Variants in NDEL1 observed in about 807,000 individuals in gnomAD.
NDEL1 encodes the protein nudE neurodevelopment protein 1 like 1, also known as nuclear distribution protein nudE-like 1.
Under a neutral mutation model 45.7 loss-of-function variants are expected in NDEL1, and 9 were observed. The ratio of observed to expected loss-of-function variants is 0.20; its 90% CI spans 0.12 to 0.34. NDEL1 has a LOEUF of 0.34. Among genes scored for constraint, NDEL1 ranks in the 10% least tolerant of loss-of-function variants. NDEL1 has a pLI of 1.00. For synonymous variants in NDEL1, 133 were observed against 158.6 expected (o/e 0.84, Z 1.21); for missense variants, 306 against 406.2 (o/e 0.75, Z 2.12).
intron 1 of NDEL1, among the ~76,000 whole-genome samples, chr17:8,420,670 G>T (rs2151693364): frequency 6.6e-6 from 1 of 152,262 alleles, no homozygotes; most frequent in South Asian, 2.1e-4. Flanking sequence ...GGTTGACAGG[G>T]GAAGCAAAGG....
At chr17:8,440,883 C>T (rs575646083) in intron 1 of NDEL1, among the ~76,000 whole-genome samples, 1 of 152,274 alleles carries the variant, frequency 6.6e-6, no homozygotes, top group Non-Finnish European at 1.5e-5. Flanking sequence ...AAAAAATACC[C>T]CCACATGGAA....
At chr17:8,435,297 C>G (rs1292703750), upstream of NDEL1, among the ~76,000 whole-genome samples, 1 of 146,718 alleles carries the variant, frequency 6.8e-6, no homozygotes, top group East Asian at 2.0e-4. Context: ...ATTCATTCAT[C>G]AAATATTTGA....
chr17:8,473,060 T>TATAA (rs1422319725), downstream of NDEL1, among the ~76,000 whole-genome samples: 1 of 152,206 alleles, frequency 6.6e-6, no homozygotes, highest in Non-Finnish European at 1.5e-5. Context: ...GGGACCCTTT[T>TATAA]AGTTATTAAA....
downstream of NDEL1, among the ~76,000 whole-genome samples, chr17:8,472,690 C>G (rs1049651454): frequency 6.6e-6 from 1 of 151,880 alleles, no homozygotes; most frequent in African/African-American, 2.4e-5. Context: ...GTTATCCTTC[C>G]AAAGCAGTTT....
chr17:8,445,202 CTAATT>C (rs1439937643), intron 2 of NDEL1, among the ~76,000 whole-genome samples: 2 of 151,980 alleles, frequency 1.3e-5, no homozygotes, highest in East Asian at 1.9e-4. Flanking sequence ...AAATATTAAA[CTAATT>C]TATGGCATAG....
intron 1 of NDEL1, chr17:8,443,923 G>A (rs753501504): frequency 2.3e-5 from 4 of 173,040 alleles, no homozygotes; most frequent in Non-Finnish European, 3.7e-5. Context: ...CTCCCGATTC[G>A]CAGAAGACCA....
At chr17:8,428,730 G>A (rs269444) in intron 1 of NDEL1, among the ~76,000 whole-genome samples, 2 of 151,144 alleles carry the variant, frequency 1.3e-5, no homozygotes, top group African/African-American at 4.9e-5. Context: ...CCAGACTGCA[G>A]TGGCATGATC....
chr17:8,450,441 A>T (rs1197549047), intron 5 of NDEL1, among the ~76,000 whole-genome samples: 2 of 152,214 alleles, frequency 1.3e-5, no homozygotes, highest in Non-Finnish European at 2.9e-5. Context: ...TTTTGCAATA[A>T]CCCCAAAACT....
At chr17:8,466,810 C>A in intron 8 of NDEL1, 120 bp from the exon 9 acceptor site, 1 of 985,648 alleles carries the variant, frequency 1.0e-6, no homozygotes, top group South Asian at 1.5e-5. Context: ...GCCATCAGGA[C>A]CCTACAGCCT....
chr17:8,424,223 T>G (rs1908769524), intron 1 of NDEL1, among the ~76,000 whole-genome samples: 1 of 152,240 alleles, frequency 6.6e-6, no homozygotes, highest in Non-Finnish European at 1.5e-5. Flanking sequence ...GTTAATTGCT[T>G]GATTCATTTA....
intron 1 of NDEL1, among the ~76,000 whole-genome samples, chr17:8,417,607 G>C (rs1193752832): frequency 6.6e-6 from 1 of 152,134 alleles, no homozygotes. Flanking sequence ...GTGATCAAAT[G>C]GGGGGACCAG....
intron 1 of NDEL1, among the ~76,000 whole-genome samples, chr17:8,427,687 G>A (rs932740274): frequency 7.9e-5 from 12 of 152,070 alleles, no homozygotes; most frequent in Middle Eastern, 3.2e-3. Context: ...CAGCCTGGGC[G>A]ACAGAGCAAG....
chr17:8,444,418 T>G, intron 2 of NDEL1, 61 bp downstream of exon 2: 1 of 1,123,972 alleles, frequency 8.9e-7, no homozygotes, highest in Non-Finnish European at 1.3e-6. Context: ...GTGTCTTGTT[T>G]GTGCATTTTT....
downstream of NDEL1, among the ~76,000 whole-genome samples, chr17:8,470,805 C>T (rs1006429558): frequency 6.6e-6 from 1 of 152,188 alleles, no homozygotes; most frequent in African/African-American, 2.4e-5. The surrounding 1 kb of genome is among the most constrained non-coding windows in gnomAD (Gnocchi z 4.2). Context: ...TGACGAGCGG[C>T]GGGGCCGGCA....
chr17:8,428,441 T>G (rs1027331624), intron 1 of NDEL1, among the ~76,000 whole-genome samples: 1 of 147,994 alleles, frequency 6.8e-6, no homozygotes, highest in Non-Finnish European at 1.5e-5. Flanking sequence ...CTTGGCTCAC[T>G]GCAACCTCCG....
intron 8 of NDEL1, 144 bp from the exon 9 acceptor site, chr17:8,466,786 C>A: frequency 1.4e-6 from 1 of 725,920 alleles, no homozygotes; most frequent in African/African-American, 1.8e-5. Flanking sequence ...TTCCAGGCAG[C>A]CAGTGCCCCT....
chr17:8,447,723 T>A (rs143974727), intron 4 of NDEL1, among the ~76,000 whole-genome samples: 1 of 152,342 alleles, frequency 6.6e-6, no homozygotes, highest in East Asian at 1.9e-4. Context: ...GTGTAATTAG[T>A]TGTTTCTTAA....
chr17:8,433,463 C>T (rs911583338), upstream of NDEL1, among the ~76,000 whole-genome samples: 1 of 152,158 alleles, frequency 6.6e-6, no homozygotes, highest in African/African-American at 2.4e-5. Flanking sequence ...TCTTTTGGGG[C>T]TTTGTCCTTT....
chr17:8,459,794 TAA>T (rs948813711), intron 7 of NDEL1, among the ~76,000 whole-genome samples: 9 of 152,172 alleles, frequency 5.9e-5, no homozygotes, highest in African/African-American at 2.2e-4. Flanking sequence ...TCAGTAACGC[TAA>T]GAGGAGGAAA....
Sources: gnomAD v4.1 joint callset for allele counts (sites outside exome capture counted in the v4.1 genomes callset) on GRCh38, gnomAD v4.1.1 for gene constraint, Gnocchi (gnomAD v3.1) non-coding constraint, MANE v1.5 for transcripts, NCBI Gene and HGNC (gene_info 2026-07-23, HGNC 2026-07-21) for gene names.